The following ZCCHC7 variants were observed in gnomAD, a reference collection of about 807,000 sequenced individuals.
ZCCHC7 encodes the protein zinc finger CCHC-type containing 7.
Under a neutral mutation model 52.0 loss-of-function variants are expected in ZCCHC7, and 35 were observed. That is an observed-to-expected ratio of 0.67 (90% CI 0.51 to 0.89). The LOEUF is 0.89. Ranked by LOEUF, ZCCHC7 falls within the 40% of genes least tolerant of loss-of-function variation. The pLI is 0.00. For missense variants in ZCCHC7, 574 were observed against 649.1 expected, an observed-to-expected ratio of 0.88 and a Z score of 1.26; for synonymous variants, 217 against 221.5, an observed-to-expected ratio of 0.98 and a Z score of 0.18.
At chr9:37,327,918 G>A (rs1830315960) in intron 6 of ZCCHC7, 84 bp downstream of exon 6, 2 of 1,384,694 alleles carry the variant, frequency 1.4e-6, no homozygotes, top group South Asian at 2.5e-5. Flanking sequence ...ATATAGACAA[G>A]CATCTTCTGC....
At chr9:37,316,915 A>G (rs181440407) in intron 5 of ZCCHC7, among the ~76,000 whole-genome samples, 26 of 150,710 alleles carry the variant, frequency 1.7e-4, no homozygotes, top group Admixed American at 9.2e-4. Flanking sequence ...TTGCAGGCAT[A>G]TATAAAGAAT....
At chr9:37,305,984 T>G (rs1829283658) in intron 5 of ZCCHC7, among the ~76,000 whole-genome samples, 1 of 152,122 alleles carries the variant, frequency 6.6e-6, no homozygotes, top group East Asian at 1.9e-4. Context: ...TTCTAGCCCT[T>G]TTTCTTTATA....
At chr9:37,217,090 A>T (rs1824547131) in intron 2 of ZCCHC7, among the ~76,000 whole-genome samples, 1 of 152,114 alleles carries the variant, frequency 6.6e-6, no homozygotes, top group Non-Finnish European at 1.5e-5. Context: ...TCTTACAGTG[A>T]CTTAAGGAGA....
At chr9:37,263,398 T>C (rs915372987) in intron 2 of ZCCHC7, among the ~76,000 whole-genome samples, 2 of 152,126 alleles carry the variant, frequency 1.3e-5, no homozygotes, top group Non-Finnish European at 2.9e-5. Context: ...ACCTGTGGTT[T>C]TTATCGTATT....
intron 2 of ZCCHC7, among the ~76,000 whole-genome samples, chr9:37,157,089 CAG>C (rs1820854737): frequency 6.7e-6 from 1 of 149,124 alleles, no homozygotes; most frequent in Admixed American, 6.7e-5. Flanking sequence ...ACAATGAAAA[CAG>C]AAAACCACAT....
chr9:37,223,160 A>G (rs1422089632), intron 2 of ZCCHC7, among the ~76,000 whole-genome samples: 2 of 152,166 alleles, frequency 1.3e-5, no homozygotes, highest in African/African-American at 4.8e-5. Flanking sequence ...AGTTTAAAAA[A>G]AAAAGTCTTA....
intron 2 of ZCCHC7, among the ~76,000 whole-genome samples, chr9:37,223,334 C>G (rs529510756): frequency 1.3e-5 from 2 of 152,106 alleles, no homozygotes; most frequent in South Asian, 4.1e-4. Flanking sequence ...AAATCTAATA[C>G]ATGGTACAAC....
rs555354129 is a variant in ZCCHC7 at position 37,349,433 on chromosome 9, A to G, written c.1064A>G (p.Gln355Arg). ...SALAYCYHCA[Q>R]KGHYGHECPE... ...TTAGCATATTGCTATCACTGCGCGC[A>G]AAAAGGCCATTATGGACACGTAAGT... The change falls in exon 7 of 9, where the codon CAA (glutamine) becomes CGA (arginine). Residue 355 changes from glutamine to arginine, a missense_variant. Gln to Arg is a conservative substitution (Grantham distance 43, BLOSUM62 1). This residue lies in a region of ZCCHC7 where 403 missense variants were observed against 461.2 expected (regional missense o/e 0.87). Transcript: ENST00000336755. 4.3e-6 allele frequency: 7 copies of G among 1,613,918 alleles called. No homozygotes were observed. The East Asian group carries it at 1.1e-4, about 26-fold the overall frequency.
At chr9:37,193,699 T>C (rs1440132492) in intron 2 of ZCCHC7, among the ~76,000 whole-genome samples, 2 of 152,172 alleles carry the variant, frequency 1.3e-5, no homozygotes, top group Non-Finnish European at 2.9e-5. Flanking sequence ...TTATATGAGC[T>C]ACCAATTAAT....
chr9:37,126,656 T>TA lies in ZCCHC7; in HGVS notation c.325dup (p.Arg109LysfsTer18). ...TTTATAGATGTAAAGGAAAGAATGT[T>TA]AGAGTTCAAGCACAAGAAAATGCCC... On this transcript the variant is annotated frameshift_variant, in exon 2 of 9. Coordinates refer to ENST00000336755, the MANE Select transcript of ZCCHC7 (RefSeq NM_032226.3). LOFTEE classifies it high-confidence loss of function. 6.2e-7 allele frequency: 1 copy of TA among 1,614,162 alleles called. No individual in the cohort carries two copies. The highest frequency in any genetic ancestry group is 8.5e-7 in the Non-Finnish European group (1 of 1,180,020).
At chr9:37,355,452 T>C (rs1821637888) in intron 8 of ZCCHC7, among the ~76,000 whole-genome samples, 1 of 152,252 alleles carries the variant, frequency 6.6e-6, no homozygotes, top group African/African-American at 2.4e-5. Flanking sequence ...TAGTTTGTTC[T>C]ATACCTTATT....
intron 2 of ZCCHC7, among the ~76,000 whole-genome samples, chr9:37,216,784 C>T (rs1824530082): frequency 6.6e-6 from 1 of 152,158 alleles, no homozygotes; most frequent in African/African-American, 2.4e-5. Context: ...TTTCTTAGAA[C>T]AGCCAGAAAA....
chr9:37,279,960 C>G (rs1255033101), intron 2 of ZCCHC7, among the ~76,000 whole-genome samples: 1 of 151,998 alleles, frequency 6.6e-6, no homozygotes, highest in Non-Finnish European at 1.5e-5. Context: ...CGAGGCCATC[C>G]TGGCTAACAC....
intron 2 of ZCCHC7, among the ~76,000 whole-genome samples, chr9:37,285,414 T>C (rs1046869982): frequency 1.3e-5 from 2 of 152,206 alleles, no homozygotes; most frequent in Admixed American, 1.3e-4. Flanking sequence ...CATTTTCTTC[T>C]ACCATTTCCT....
At chr9:37,164,180 G>A (rs373495035) in intron 2 of ZCCHC7, among the ~76,000 whole-genome samples, 9 of 151,752 alleles carry the variant, frequency 5.9e-5, no homozygotes, top group Admixed American at 4.6e-4. Flanking sequence ...GGTAGCTCAC[G>A]CCTGTAATCC....
At chr9:37,304,564 G>A (rs571284607) in intron 4 of ZCCHC7, among the ~76,000 whole-genome samples, 24 of 152,052 alleles carry the variant, frequency 1.6e-4, no homozygotes, top group Non-Finnish European at 3.2e-4. Context: ...GGCTGAGGCA[G>A]GAGAATGGTG....
chr9:37,131,343 A>G (rs1472624218), intron 2 of ZCCHC7, among the ~76,000 whole-genome samples: 1 of 149,944 alleles, frequency 6.7e-6, no homozygotes, highest in African/African-American at 2.5e-5. Flanking sequence ...CTGTCAAAAA[A>G]AAAAAGAAAA....
chr9:37,187,038 A>G (rs1822700120), intron 2 of ZCCHC7: 1 of 194,704 alleles, frequency 5.1e-6, no homozygotes. Flanking sequence ...TATAACAAAT[A>G]CATTGATATT....
At chr9:37,206,283 C>T (rs1375511312) in intron 2 of ZCCHC7, among the ~76,000 whole-genome samples, 1 of 150,092 alleles carries the variant, frequency 6.7e-6, no homozygotes, top group Non-Finnish European at 1.5e-5. Context: ...CGGCTTTCTC[C>T]CTCCCTTCCC....
Sources: gnomAD v4.1 joint callset for allele counts (sites outside exome capture counted in the v4.1 genomes callset) on GRCh38, gnomAD v4.1.1 for gene constraint, gnomAD v4.1.1 regional missense constraint, MANE v1.5 for transcripts, NCBI Gene and HGNC (gene_info 2026-07-23, HGNC 2026-07-21) for gene names.